The following NIPAL2 variants were observed in gnomAD, a reference collection of about 807,000 sequenced individuals.
NIPAL2 encodes NIPA like domain containing 2.
A neutral mutation model predicts 48.9 loss-of-function variants in NIPAL2; 43 were observed. That is an observed-to-expected ratio of 0.88 (90% CI 0.69 to 1.13). The LOEUF (loss-of-function observed/expected upper bound fraction) is 1.13, where lower values mean the gene tolerates loss of function less well. Among genes scored for constraint, NIPAL2 ranks in the 50% most tolerant of loss-of-function variants. NIPAL2 has a pLI of 0.00. For synonymous variants in NIPAL2, 167 were observed against 174.6 expected, an observed-to-expected ratio of 0.96 and a Z score of 0.34; for missense variants, 446 against 461.4, an observed-to-expected ratio of 0.97 and a Z score of 0.31.
chr8:98,240,760 T>C (rs975941124), intron 3 of NIPAL2, among the ~76,000 whole-genome samples: 54 of 152,336 alleles, frequency 3.5e-4, no homozygotes, highest in African/African-American at 1.2e-3. Context: ...GTTTTGTTAC[T>C]CAGAGTATCA....
chr8:98,249,590 A>G (rs1164652704), intron 3 of NIPAL2, among the ~76,000 whole-genome samples: 1 of 148,206 alleles, frequency 6.7e-6, no homozygotes, highest in Non-Finnish European at 1.5e-5. Context: ...ATCTATTAAT[A>G]TGTAACTATA....
chr8:98,286,527 G>A (rs1242214697), intron 1 of NIPAL2, among the ~76,000 whole-genome samples: 1 of 152,152 alleles, frequency 6.6e-6, no homozygotes, highest in African/African-American at 2.4e-5. Flanking sequence ...ACCTTGTTGA[G>A]GCTAGGCATG....
In NIPAL2 at chr8:98,196,393, T is replaced by C. The variant is rs1246138973; in HGVS notation, c.881-388A>G. Among the ~76,000 whole-genome samples, 5 of 152,212 alleles carry C rather than the reference T, an allele frequency of 3.3e-5. No homozygotes were observed. The South Asian group carries it at 1.0e-3, about 32-fold the overall frequency. ...CTGGCCTGAGAGTCTGGGTAGACTC[T>C]GGGGCCTCTGACATGGCAGGTCCAC... is the stretch of plus-strand genomic sequence containing the variant. On this transcript the variant is annotated intron_variant, in intron 8 of 10. Coordinates refer to ENST00000430223, the MANE Select transcript of NIPAL2 (RefSeq NM_001321635.2).
chr8:98,238,800 C>G (rs978815602), intron 3 of NIPAL2, among the ~76,000 whole-genome samples: 1 of 152,068 alleles, frequency 6.6e-6, no homozygotes, highest in Non-Finnish European at 1.5e-5. Context: ...TGTAGATAAA[C>G]TAATGCATGA....
At chr8:98,269,070 C>T (rs929558626) in intron 1 of NIPAL2, among the ~76,000 whole-genome samples, 1 of 152,198 alleles carries the variant, frequency 6.6e-6, no homozygotes, top group African/African-American at 2.4e-5. Flanking sequence ...AATTCAATGA[C>T]ATCTTCAGGG....
rs569042537 is a variant in NIPAL2, at chr8:98,242,822, C to T, written c.377-6608G>A. On this transcript the variant is annotated intron_variant, in intron 3 of 10. Coordinates refer to ENST00000430223, the MANE Select transcript of NIPAL2 (RefSeq NM_001321635.2). ...TTCTTAACCATACAAAATGAGAAGT[C>T]GATGAGATGATAAATATGTTAATTA... is the stretch of plus-strand genomic sequence containing the variant. Among the ~76,000 whole-genome samples, 23 of 152,090 alleles carry T rather than the reference C, an allele frequency of 1.5e-4. No individual in the cohort carries two copies. The South Asian group carries it at 4.8e-3, about 32-fold the overall frequency.
intron 3 of NIPAL2, among the ~76,000 whole-genome samples, chr8:98,250,650 A>G (rs1244386502): frequency 6.6e-6 from 1 of 152,244 alleles, no homozygotes; most frequent in East Asian, 1.9e-4. Flanking sequence ...TGAAACATTA[A>G]TTGGGGCTAA....
In NIPAL2 at chr8:98,263,377, G is replaced by A. The variant is rs1415475895; in HGVS notation, c.136-9290C>T. ...AAAGGATCAACAAAATTGATAGACC[G>A]CTAGCAAGACTAATAAAGAAAAAAA... is the stretch of plus-strand genomic sequence containing the variant. On this transcript the variant is annotated intron_variant, in intron 1 of 10. Transcript: ENST00000430223. Among the ~76,000 whole-genome samples, 28 of 149,926 alleles carry A rather than the reference G, an allele frequency of 1.9e-4. No homozygotes were observed. The East Asian group carries it at 3.2e-3, about 17-fold the overall frequency.
chr8:98,221,609 A>G (rs999434221), intron 5 of NIPAL2, among the ~76,000 whole-genome samples: 7 of 152,292 alleles, frequency 4.6e-5, no homozygotes, highest in Middle Eastern at 3.4e-3. Context: ...GTTTTGTTAC[A>G]TAGGTATACA....
At chr8:98,282,784 C>T (rs1231557519) in intron 1 of NIPAL2, among the ~76,000 whole-genome samples, 1 of 152,212 alleles carries the variant, frequency 6.6e-6, no homozygotes, top group East Asian at 1.9e-4. Flanking sequence ...GCTATTTTTA[C>T]CACTAATCTC....
chr8:98,244,507 C>A (rs13267273), intron 3 of NIPAL2, among the ~76,000 whole-genome samples: 5 of 45,226 alleles, frequency 1.1e-4, no homozygotes, highest in Non-Finnish European at 1.7e-4. Flanking sequence ...TGGTGATGAG[C>A]GGGTAGGCTG....
At chr8:98,198,321 T>G (rs1479852103) in intron 8 of NIPAL2, among the ~76,000 whole-genome samples, 1 of 152,250 alleles carries the variant, frequency 6.6e-6, no homozygotes, top group Non-Finnish European at 1.5e-5. Context: ...CCAGGCTTAG[T>G]TGTTTCATTT....
chr8:98,284,344 A>G (rs1037781501), intron 1 of NIPAL2, among the ~76,000 whole-genome samples: 1 of 152,142 alleles, frequency 6.6e-6, no homozygotes, highest in Non-Finnish European at 1.5e-5. Flanking sequence ...CAGGTTATAT[A>G]AGGAAGGTGA....
chr8:98,258,227 T>C (rs556432498), intron 1 of NIPAL2, among the ~76,000 whole-genome samples: 1 of 152,122 alleles, frequency 6.6e-6, no homozygotes, highest in South Asian at 2.1e-4. Flanking sequence ...TTGCCAGAGT[T>C]GGGGGAGGGA....
In NIPAL2 at chr8:98,226,151, G is replaced by A. The variant is rs945620109; in HGVS notation, c.437-3551C>T. On this transcript the variant is annotated intron_variant, in intron 4 of 10. Coordinates refer to ENST00000430223, the MANE Select transcript of NIPAL2 (RefSeq NM_001321635.2). ...ATCTTGCATTTATTTGAGTTTCCTC[G>A]AAACAGCTATTTGAATTCTCTGTCT... 2.6e-5 allele frequency among the ~76,000 whole-genome samples: 4 copies of A among 152,020 alleles called. No individual in the cohort carries two copies. In the South Asian group the frequency reaches 6.2e-4, roughly 24 times the overall value.
rs1392509578 is a variant in NIPAL2 at position 98,249,272 on chromosome 8, C to T, written c.376+3191G>A. Among the ~76,000 whole-genome samples the T allele has an allele frequency of 4.6e-5, 7 of 152,102 alleles. No individual in the cohort carries two copies. The South Asian group carries it at 1.0e-3, about 23-fold the overall frequency. Reference sequence around the variant, plus strand: ...GTTTCTTAGAACACCTATGAATCTACCTGTAAAACTAATGTTGGACAAATG... The same window carrying T: ...GTTTCTTAGAACACCTATGAATCTATCTGTAAAACTAATGTTGGACAAATG... On this transcript the variant is annotated intron_variant, in intron 3 of 10. Coordinates refer to ENST00000430223, the MANE Select transcript of NIPAL2 (RefSeq NM_001321635.2).
chr8:98,246,838 A>G (rs575126077), intron 3 of NIPAL2, among the ~76,000 whole-genome samples: 1 of 152,144 alleles, frequency 6.6e-6, no homozygotes, highest in Non-Finnish European at 1.5e-5. Context: ...CCCTGCAATG[A>G]TCTCCCTCCA....
intron 5 of NIPAL2, among the ~76,000 whole-genome samples, chr8:98,215,757 C>A (rs950274058): frequency 1.1e-4 from 17 of 152,200 alleles, no homozygotes; most frequent in Admixed American, 1.1e-3. Flanking sequence ...GCAATTCTTC[C>A]TTCCTTTGTT....
At chr8:98,232,640 A>T (rs1032897693) in intron 4 of NIPAL2, among the ~76,000 whole-genome samples, 3 of 152,212 alleles carry the variant, frequency 2.0e-5, no homozygotes, top group African/African-American at 7.2e-5. Flanking sequence ...TTATTTATAT[A>T]ACTTGGCAAA....
Sources: allele counts gnomAD v4.1 joint callset (sites outside exome capture counted in the v4.1 genomes callset), GRCh38; gene constraint gnomAD v4.1.1; transcripts MANE v1.5; gene names NCBI Gene and HGNC (gene_info 2026-07-23, HGNC 2026-07-21).